ZNF436: variants seen among roughly 807,000 people sequenced by gnomAD.
The protein encoded by ZNF436 is zinc finger protein 436.
Under a neutral mutation model 41.9 loss-of-function variants are expected in ZNF436, and 22 were observed. That is an observed-to-expected ratio of 0.53 (90% CI 0.38 to 0.75). The LOEUF (loss-of-function observed/expected upper bound fraction) is 0.75. Among genes scored for constraint, ZNF436 ranks in the 30% least tolerant of loss-of-function variants. The probability of loss-of-function intolerance (pLI) is 0.00; values close to 1 mark genes in which losing one functional copy is unlikely to be tolerated. For missense variants in ZNF436, 506 were observed against 587.3 expected, an observed-to-expected ratio of 0.86 and a Z score of 1.43; for synonymous variants, 217 against 197.8, an observed-to-expected ratio of 1.10 and a Z score of -0.82.
chr1:23,361,720 T>G lies in ZNF436; in HGVS notation c.*249A>C. 1 of 389,150 alleles carries G rather than the reference T, an allele frequency of 2.6e-6. No homozygotes were observed. The highest frequency in any genetic ancestry group is 4.6e-6 in the Non-Finnish European group (1 of 215,914). 24.1% of individuals were successfully genotyped at this position (389,150 alleles called of 1,614,324 possible). A position where few individuals can be genotyped will look rare whatever the true frequency, so the allele number is the denominator to read the frequency against. Reference sequence around the variant, plus strand: ...AGCATTTGTCCCCTGGTCTTCAGATTTCCAGTTACTTGTGGGGCTGCTTTT... The same window carrying G: ...AGCATTTGTCCCCTGGTCTTCAGATGTCCAGTTACTTGTGGGGCTGCTTTT... On this transcript the variant is annotated 3_prime_UTR_variant, in exon 4 of 4. Coordinates refer to ENST00000314011, the MANE Select transcript of ZNF436 (RefSeq NM_001077195.2).
chr1:23,363,340 G>A (rs1252942604), intron 3 of ZNF436, 119 bp from the exon 4 acceptor site: 1 of 773,686 alleles, frequency 1.3e-6, no homozygotes, highest in Non-Finnish European at 2.0e-6. Context: ...CTTGGCTGGA[G>A]TGCAGTGGTG....
intron 3 of ZNF436, among the ~76,000 whole-genome samples, chr1:23,363,716 T>C (rs1421660089): frequency 1.3e-5 from 2 of 152,144 alleles, no homozygotes; most frequent in Admixed American, 6.6e-5. Context: ...AAATTCACAT[T>C]CTGTATCGCT....
chr1:23,364,050 A>C (rs939608935), intron 3 of ZNF436, among the ~76,000 whole-genome samples: 2 of 152,098 alleles, frequency 1.3e-5, no homozygotes. Context: ...TCTTAAAAAA[A>C]AAACTATATA....
chr1:23,369,062 G>T, intron 1 of ZNF436: 1 of 239,684 alleles, frequency 4.2e-6, no homozygotes. Flanking sequence ...TTCTCAAGGG[G>T]GCGCCCCTCG....
rs1476441370 is a variant in ZNF436, at chr1:23,363,107, C to A, written c.275G>T (p.Ser92Ile). 2 of 1,614,212 alleles carry A rather than the reference C, an allele frequency of 1.2e-6. No individual in the cohort carries two copies. Among genetic ancestry groups the A allele is most frequent in the Admixed American group, 3.3e-5 (2 of 60,020 alleles). Residue 92 changes from serine (S) to isoleucine (I), a missense_variant, in exon 4 of 4, where the codon AGT becomes ATT. This residue lies in a region of ZNF436 where 228 missense variants were observed against 215.1 expected (regional missense o/e 1.06). Transcript: ENST00000314011. The part of the protein sequence containing the change: ...PAENAEENPE[S>I]EEGFESGDRS... Reference sequence around the variant, plus strand: ...ATCTCCGCTTTCAAAGCCCTCTTCACTTTCAGGATTTTCCTCAGCATTCTC... The same window carrying A: ...ATCTCCGCTTTCAAAGCCCTCTTCAATTTCAGGATTTTCCTCAGCATTCTC...
Position 23,363,117 on chromosome 1 carries a change from T to C in ZNF436, c.265A>G (p.Asn89Asp). ...SERPAENAEE[N>D]PESEEGFESG... ...TCAAAGCCCTCTTCACTTTCAGGAT[T>C]TTCCTCAGCATTCTCAGCAGGTCTT... Residue 89 changes from asparagine to aspartate, a missense_variant, in exon 4 of 4, where the codon AAT (asparagine) becomes GAT (aspartate). Transcript: ENST00000314011. The C allele has an allele frequency of 6.2e-7, 1 of 1,614,220 alleles. No individual in the cohort carries two copies. Among genetic ancestry groups the C allele is most frequent in the Non-Finnish European group, 8.5e-7 (1 of 1,180,044 alleles).
chr1:23,366,644 A>G (rs1359347998), intron 3 of ZNF436, among the ~76,000 whole-genome samples: 2 of 152,216 alleles, frequency 1.3e-5, no homozygotes, highest in Non-Finnish European at 2.9e-5. Flanking sequence ...AACAAACACA[A>G]AAAGGTGGCT....
chr1:23,362,071 T>G lies in ZNF436; in HGVS notation c.1311A>C (p.Gln437His). The change falls in exon 4 of 4, where the codon CAA becomes CAC. Residue 437 changes from glutamine (Q) to histidine (H), a missense_variant. Coordinates refer to ENST00000314011, the MANE Select transcript of ZNF436 (RefSeq NM_001077195.2). ...AAGGTTTCTCTCCCGTGTGAACTCT[T>G]TGATGTGTGATGAGGTTGGAGCTCT... is the stretch of plus-strand genomic sequence containing the variant. ...FTQSSNLITH[Q>H]RVHTGEKPYE... The G allele has an allele frequency of 6.2e-7, 1 of 1,613,846 alleles. No individual in the cohort carries two copies. The highest frequency in any genetic ancestry group is 8.5e-7 in the Non-Finnish European group (1 of 1,179,924).
chr1:23,362,909 T>C lies in ZNF436; in HGVS notation c.473A>G (p.Lys158Arg). 6.2e-7 allele frequency: 1 copy of C among 1,614,220 alleles called. No individual in the cohort carries two copies. The highest frequency in any genetic ancestry group is 8.5e-7 in the Non-Finnish European group (1 of 1,180,030). ...SQISDLNRHQKTHTGDRPYKC... is the reference protein window; with the variant it reads ...SQISDLNRHQRTHTGDRPYKC... ...ATAGGGTCTGTCTCCAGTGTGGGTC[T>C]TCTGATGTCGATTAAGGTCTGAGAT... Residue 158 changes from lysine (K) to arginine (R), a missense_variant, in exon 4 of 4, where the codon AAG becomes AGG. Lys to Arg is a conservative substitution (Grantham distance 26). This residue lies in a region of ZNF436 where 228 missense variants were observed against 215.1 expected (regional missense o/e 1.06). Coordinates refer to ENST00000314011, the MANE Select transcript of ZNF436 (RefSeq NM_001077195.2).
chr1:23,365,941 G>A (rs1278105566), intron 3 of ZNF436, among the ~76,000 whole-genome samples: 1 of 140,994 alleles, frequency 7.1e-6, no homozygotes, highest in African/African-American at 2.5e-5. Flanking sequence ...AAAAAGCCTT[G>A]TAATCATTTT....
chr1:23,367,605 G>A (rs926062807), intron 2 of ZNF436, among the ~76,000 whole-genome samples: 3 of 152,260 alleles, frequency 2.0e-5, no homozygotes, highest in East Asian at 3.9e-4. Flanking sequence ...TAATCACGCC[G>A]ACTTCTTGGG....
In ZNF436 at chr1:23,365,480, G is replaced by A. The variant is rs182485064; in HGVS notation, c.160+1562C>T. Among the ~76,000 whole-genome samples the A allele has an allele frequency of 6.6e-4, 100 of 152,080 alleles. 1 individual carries two copies. The highest frequency in any genetic ancestry group is 2.1e-3 in the African/African-American group (89 of 41,506). ...TGTATTCCTAGCACTTTGGGAGGCC[G>A]AGGTGGGCGGATCACTTGAGGTCAG... On this transcript the variant is annotated intron_variant, in intron 3 of 3. Transcript: ENST00000314011.
At position 23,369,494 on chromosome 1, in the gene ZNF436, C is replaced by A. The variant is rs762771822; in HGVS notation, c.-189G>T. The A allele has an allele frequency of 1.9e-6, 1 of 531,726 alleles. No individual in the cohort carries two copies. Among genetic ancestry groups the A allele is most frequent in the Non-Finnish European group, 3.9e-6 (1 of 257,528 alleles). The allele number at this position is 531,726 out of a possible 1,614,324, so 32.9% of individuals were successfully genotyped here. ...GATTCTAGAGAGCACGGGCAGGTCC[C>A]GGAGGTCTCAGACCCGCAGGTAGAT... is the stretch of plus-strand genomic sequence containing the variant. On this transcript the variant is annotated 5_prime_UTR_variant, in exon 1 of 4. Transcript: ENST00000314011.
At position 23,362,589 on chromosome 1, in the gene ZNF436, G is replaced by A. The variant is rs1262468132; in HGVS notation, c.793C>T (p.Leu265=). ...GTGTGGGTCCTCTGGTGCTGAGCTA[G>A]GTGAGAGCTCCGGCTGAAGCTTTTC... ...CGKSFSRSSH[L]AQHQRTHTGE... is the part of the protein sequence containing the mutation. Residue 265 remains leucine (L), a synonymous_variant, in exon 4 of 4, where the codon CTA becomes TTA. Transcript: ENST00000314011. 6.2e-7 allele frequency: 1 copy of A among 1,613,972 alleles called. No individual in the cohort carries two copies. The highest frequency in any genetic ancestry group is 1.1e-5 in the South Asian group (1 of 91,032).
rs751685740 is a variant in ZNF436 at position 23,369,348 on chromosome 1, G to C, written c.-61+18C>G. ...AGGTAGGAAGCCGAAAACCCGAGTGGGGGACGAACAGACTTACCTCCTGTC... is the reference window on the plus strand; with the variant it reads ...AGGTAGGAAGCCGAAAACCCGAGTGCGGGACGAACAGACTTACCTCCTGTC... On this transcript the variant is annotated intron_variant, in intron 1 of 3. Transcript: ENST00000314011. 1.9e-6 allele frequency: 1 copy of C among 532,436 alleles called. No individual in the cohort carries two copies. The allele number at this position is 532,436 out of a possible 1,614,324, so 33.0% of individuals were successfully genotyped here. A position where few individuals can be genotyped will look rare whatever the true frequency, so the allele number is the denominator to read the frequency against.
At chr1:23,369,115 C>T (rs951886444) in intron 1 of ZNF436, 6 of 281,840 alleles carry the variant, frequency 2.1e-5, no homozygotes, top group African/African-American at 9.0e-5. Context: ...AGGCGAAAAC[C>T]CTGGGGGACT....
Position 23,363,067 on chromosome 1 carries a change from T to G in ZNF436, c.315A>C (p.Gln105His). Residue 105 changes from glutamine to histidine, a missense_variant, in exon 4 of 4, where the codon CAA becomes CAC. Physicochemically the swap from Gln to His is conservative, Grantham distance 24 (BLOSUM62 0). Around this residue, in one of 2 missense-constraint regions of ZNF436, gnomAD observed 228 missense variants for 215.1 expected, o/e 1.06. Transcript: ENST00000314011. The part of the protein sequence containing the change: ...GFESGDRSER[Q>H]WGDLTAEEWV... Reference sequence around the variant, plus strand: ...ACTCTTCTGCTGTTAAATCTCCCCATTGTCTTTCTGACCTATCTCCGCTTT... The same window carrying G: ...ACTCTTCTGCTGTTAAATCTCCCCAGTGTCTTTCTGACCTATCTCCGCTTT... 1 of 1,614,212 alleles carries G rather than the reference T, an allele frequency of 6.2e-7. No individual in the cohort carries two copies. Among genetic ancestry groups the G allele is most frequent in the Admixed American group, 1.7e-5 (1 of 60,016 alleles).
At chr1:23,363,248 T>C (rs1638289538) in intron 3 of ZNF436, 27 bp from the exon 4 acceptor site, 1 of 1,580,874 alleles carries the variant, frequency 6.3e-7, no homozygotes, top group Admixed American at 1.8e-5. Context: ...ACAATAAGAC[T>C]AGTAAGTACA....
chr1:23,367,958 C>G lies in ZNF436; in HGVS notation c.33+15G>C. ...GTAAGCAGAGACAAGGTCTGAGAAG[C>G]CACCTCCGGCTTACCTGGGACCCAG... On this transcript the variant is annotated intron_variant, in intron 2 of 3. Transcript: ENST00000314011. The G allele has an allele frequency of 6.2e-7, 1 of 1,613,954 alleles. No homozygotes were observed. Among genetic ancestry groups the G allele is most frequent in the Non-Finnish European group, 8.5e-7 (1 of 1,179,960 alleles).
Sources: gnomAD v4.1 joint callset for allele counts (sites outside exome capture counted in the v4.1 genomes callset) on GRCh38, gnomAD v4.1.1 for gene constraint, gnomAD v4.1.1 regional missense constraint, MANE v1.5 for transcripts, NCBI Gene and HGNC (gene_info 2026-07-23, HGNC 2026-07-21) for gene names.